IGF1R: variants seen among roughly 807,000 people sequenced by gnomAD.
IGF1R encodes insulin like growth factor 1 receptor, also known as insulin-like growth factor 1 receptor.
Under a neutral mutation model 144.6 loss-of-function variants are expected in IGF1R, and 44 were observed. The observed-to-expected ratio is 0.30, with a 90% confidence interval of 0.24 to 0.39. The LOEUF (loss-of-function observed/expected upper bound fraction) is 0.39. Among genes scored for constraint, IGF1R ranks in the 10% least tolerant of loss-of-function variants. The probability of loss-of-function intolerance (pLI) is 1.00; values close to 1 mark genes in which losing one functional copy is unlikely to be tolerated. For synonymous variants in IGF1R, 795 were observed against 722.8 expected (o/e 1.10, Z -1.60); for missense variants, 1,355 against 1,833.7 (o/e 0.74, Z 4.77).
chr15:98,762,443 T>G (rs2055328757), intron 2 of IGF1R, among the ~76,000 whole-genome samples: 1 of 152,162 alleles, frequency 6.6e-6, no homozygotes, highest in South Asian at 2.1e-4. Flanking sequence ...ATACATATAT[T>G]CCGGCCAGGC....
At chr15:98,706,464 C>T (rs770678797) in intron 1 of IGF1R, among the ~76,000 whole-genome samples, 44 of 152,326 alleles carry the variant, frequency 2.9e-4, no homozygotes, top group Middle Eastern at 3.4e-3. Context: ...TGGCCCAGCA[C>T]TTCCACTTCT....
rs937126798 is a variant in IGF1R at position 98,958,277 on chromosome 15, A to G, written c.*835A>G. The G allele has an allele frequency of 3.9e-5, 9 of 230,900 alleles. No homozygotes were observed. Among genetic ancestry groups the G allele is most frequent in the African/African-American group, 2.0e-4 (9 of 45,140 alleles). The allele number at this position is 230,900 out of a possible 1,614,324, so 14.3% of individuals were successfully genotyped here. ...CTCAGTGAAGGTGGGGAGAAGCTGAACCGGCTTCCCTGCCCTGCCTCCCCA... is the reference window on the plus strand; with the variant it reads ...CTCAGTGAAGGTGGGGAGAAGCTGAGCCGGCTTCCCTGCCCTGCCTCCCCA... On this transcript the variant is annotated 3_prime_UTR_variant, in exon 21 of 21. Coordinates refer to ENST00000650285, the MANE Select transcript of IGF1R (RefSeq NM_000875.5).
At chr15:98,779,733 C>CGGGGAGCCGAGTCCGA (rs1487109079) in intron 2 of IGF1R, among the ~76,000 whole-genome samples, 4 of 152,176 alleles carry the variant, frequency 2.6e-5, no homozygotes, top group African/African-American at 9.7e-5. Flanking sequence ...ATTCCGTCTG[C>CGGGGAGCCGAGTCCGA]GGGGAGCCGA....
intron 2 of IGF1R, among the ~76,000 whole-genome samples, chr15:98,816,811 G>C (rs1351926807): frequency 6.6e-6 from 1 of 152,192 alleles, no homozygotes; most frequent in Non-Finnish European, 1.5e-5. Context: ...AGGTGGGAGA[G>C]GGAGATGAAT....
intron 2 of IGF1R, among the ~76,000 whole-genome samples, chr15:98,797,229 G>A (rs1181383556): frequency 6.6e-6 from 1 of 152,220 alleles, no homozygotes; most frequent in Non-Finnish European, 1.5e-5. Context: ...TGCTGAGTAG[G>A]AAATGCATCC....
At chr15:98,887,735 T>G (rs756444301) in intron 2 of IGF1R, among the ~76,000 whole-genome samples, 1 of 152,196 alleles carries the variant, frequency 6.6e-6, no homozygotes, top group Non-Finnish European at 1.5e-5. Flanking sequence ...ACCTCACAGA[T>G]CCATTATACG....
chr15:98,816,217 C>T lies in IGF1R; in HGVS notation c.641-75108C>T, dbSNP rs1374437624. Among the ~76,000 whole-genome samples, 3 of 152,214 alleles carry T rather than the reference C, an allele frequency of 2.0e-5. No homozygotes were observed. The East Asian group carries it at 5.8e-4, about 29-fold the overall frequency. On this transcript the variant is annotated intron_variant, in intron 2 of 20. Transcript: ENST00000650285. Reference sequence around the variant, plus strand: ...TCCTGTCTCTTTGAGGTTCCAGCAGCCAGCTTTGCCTCATCAGGCCTTTCT... The same window carrying T: ...TCCTGTCTCTTTGAGGTTCCAGCAGTCAGCTTTGCCTCATCAGGCCTTTCT...
intron 2 of IGF1R, among the ~76,000 whole-genome samples, chr15:98,787,419 C>G (rs1596304874): frequency 6.6e-6 from 1 of 152,176 alleles, no homozygotes; most frequent in South Asian, 2.1e-4. Flanking sequence ...TGACTAAATC[C>G]TGAAGGCGTT....
At chr15:98,675,823 TTTC>T (rs201708826) in intron 1 of IGF1R, among the ~76,000 whole-genome samples, 3,811 of 125,340 alleles carry the variant, frequency 0.03, 76 homozygotes, top group Non-Finnish European at 0.04. Context: ...TCTTTCTTTC[TTTC>T]TTTTTTTTTT....
intron 2 of IGF1R, among the ~76,000 whole-genome samples, chr15:98,830,101 T>C (rs2056972925): frequency 6.6e-6 from 1 of 152,214 alleles, no homozygotes; most frequent in South Asian, 2.1e-4. Flanking sequence ...GGAATCTCTT[T>C]CTTCTTCCTT....
intron 17 of IGF1R, among the ~76,000 whole-genome samples, chr15:98,937,885 T>C (rs1882177458): frequency 6.6e-6 from 1 of 152,216 alleles, no homozygotes; most frequent in Admixed American, 6.5e-5. Context: ...ATCACACGTA[T>C]CTAAAGCCCT....
intron 2 of IGF1R, among the ~76,000 whole-genome samples, chr15:98,765,604 A>G (rs1212572033): frequency 6.6e-6 from 1 of 152,130 alleles, no homozygotes; most frequent in Non-Finnish European, 1.5e-5. Flanking sequence ...GATTACAGAC[A>G]TAAGCCACCT....
chr15:98,947,769 C>A (rs1176873541), intron 19 of IGF1R, among the ~76,000 whole-genome samples: 2 of 152,204 alleles, frequency 1.3e-5, no homozygotes, highest in South Asian at 2.1e-4. Flanking sequence ...CTTAAGGATT[C>A]TTTGTCCATG....
At position 98,891,613 on chromosome 15, in the gene IGF1R, G is replaced by A. The variant is rs772820424; in HGVS notation, c.929G>A (p.Gly310Asp). ...GAGTGCATGCAGGAGTGCCCCTCGG[G>A]CTTCATCCGCAACGGCAGCCAGAGG... ...DGECMQECPSGFIRNGSQSMY... is the reference protein window; with the variant it reads ...DGECMQECPSDFIRNGSQSMY... Residue 310 changes from glycine (G) to aspartate (D), a missense_variant, in exon 3 of 21, where the codon GGC becomes GAC. Coordinates refer to ENST00000650285, the MANE Select transcript of IGF1R (RefSeq NM_000875.5). The surrounding 1 kb of genome is among the most constrained non-coding windows in gnomAD (Gnocchi z 4.7). 1.1e-5 allele frequency: 17 copies of A among 1,601,654 alleles called. No individual in the cohort carries two copies. The Admixed American group carries it at 2.5e-4, about 24-fold the overall frequency.
intron 2 of IGF1R, among the ~76,000 whole-genome samples, chr15:98,714,516 C>G (rs764903608): frequency 2.0e-5 from 3 of 151,962 alleles, no homozygotes; most frequent in Non-Finnish European, 4.4e-5. Flanking sequence ...TGTGGAGGCA[C>G]GTGCCTATAG....
chr15:98,663,764 G>A (rs2052657120), intron 1 of IGF1R, among the ~76,000 whole-genome samples: 1 of 152,204 alleles, frequency 6.6e-6, no homozygotes, highest in Non-Finnish European at 1.5e-5. Context: ...GAGGGCGGTG[G>A]CCCCCGCTAC....
chr15:98,734,886 G>A (rs977750132), intron 2 of IGF1R: 1 of 152,132 alleles, frequency 6.6e-6, no homozygotes. Flanking sequence ...ACGAATTGTA[G>A]GTTCAGGTTT....
intron 2 of IGF1R, among the ~76,000 whole-genome samples, chr15:98,853,168 C>G (rs537165300): frequency 1.3e-4 from 20 of 152,214 alleles, no homozygotes; most frequent in African/African-American, 4.6e-4. Context: ...GTCTTGAATC[C>G]TTTCCCTATT....
At chr15:98,693,825 C>T (rs193295235) in intron 1 of IGF1R, among the ~76,000 whole-genome samples, 11 of 152,260 alleles carry the variant, frequency 7.2e-5, no homozygotes, top group African/African-American at 2.4e-4. Context: ...AGGCTGGTCT[C>T]GAACTCCTGG....
Sources: gnomAD v4.1 joint callset for allele counts (sites outside exome capture counted in the v4.1 genomes callset) on GRCh38, gnomAD v4.1.1 for gene constraint, Gnocchi (gnomAD v3.1) non-coding constraint, MANE v1.5 for transcripts, NCBI Gene and HGNC (gene_info 2026-07-23, HGNC 2026-07-21) for gene names.